The following EEF2 variants were observed in gnomAD, a reference collection of about 807,000 sequenced individuals.
The protein encoded by EEF2 is elongation factor 2.
Under a neutral mutation model 85.3 loss-of-function variants are expected in EEF2, and 21 were observed. The observed-to-expected ratio is 0.25, with a 90% CI of 0.17 to 0.35. The LOEUF (loss-of-function observed/expected upper bound fraction) is 0.35, where lower values mean the gene tolerates loss of function less well. Ranked by LOEUF, EEF2 falls within the 10% of genes least tolerant of loss-of-function variation. The pLI, the probability that EEF2 is intolerant of heterozygous loss-of-function variation, is 1.00. For synonymous variants in EEF2, 723 were observed against 508.8 expected, an observed-to-expected ratio of 1.42 and a Z score of -5.67; for missense variants, 825 against 1,225.3, an observed-to-expected ratio of 0.67 and a Z score of 4.88.
In EEF2 at chr19:3,978,088, T is replaced by C; in HGVS notation, c.1798A>G (p.Asn600Asp). Residue 600 changes from asparagine (N) to aspartate (D), a missense_variant, in exon 12 of 15, where the codon AAC (asparagine) becomes GAC (aspartate). By Grantham distance (23) the Asn-to-Asp change is conservative (BLOSUM62 1). Transcript: ENST00000309311. Reference sequence around the variant, plus strand: ...GGCCGCGCCTTCATGTACAGCCGGTTGTGCTTGTTGGGGGACTTGGAGAGG... The same window carrying C: ...GGCCGCGCCTTCATGTACAGCCGGTCGTGCTTGTTGGGGGACTTGGAGAGG... ...LCLSKSPNKH[N>D]RLYMKARPFP... 1 of 1,544,668 alleles carries C rather than the reference T, an allele frequency of 6.5e-7. No homozygotes were observed. The highest frequency in any genetic ancestry group is 8.8e-7 in the Non-Finnish European group (1 of 1,138,320).
chr19:3,981,900 G>C, intron 6 of EEF2, 47 bp downstream of exon 6: 1 of 1,571,384 alleles, frequency 6.4e-7, no homozygotes, highest in Non-Finnish European at 8.7e-7. Context: ...ACAGGGCCGA[G>C]GGCCAATAGT....
Position 3,977,189 on chromosome 19 carries a change from G to A in EEF2, c.2383+26C>T. 1 of 1,609,152 alleles carries A rather than the reference G, an allele frequency of 6.2e-7. No homozygotes were observed. The highest frequency in any genetic ancestry group is 8.5e-7 in the Non-Finnish European group (1 of 1,177,240). On this transcript the variant is annotated intron_variant, in intron 14 of 14. Transcript: ENST00000309311. The surrounding 1 kb of genome is among the most constrained non-coding windows in gnomAD (Gnocchi z 5.4). ...CCCCCAAACCAGCCTGCCAGGCTCTGCAGGCCACACCGGGCAGGCACTCAC... is the reference window on the plus strand; with the variant it reads ...CCCCCAAACCAGCCTGCCAGGCTCTACAGGCCACACCGGGCAGGCACTCAC...
intron 4 of EEF2, 30 bp downstream of exon 4, chr19:3,982,777 A>G (rs527869931): frequency 2.1e-5 from 34 of 1,592,678 alleles, no homozygotes; most frequent in Non-Finnish European, 2.7e-5. Context: ...CGCTGCGGCA[A>G]GCCCACCACC....
intron 10 of EEF2, among the ~76,000 whole-genome samples, 177 bp downstream of exon 10, chr19:3,979,630 AG>A (rs1414894539): frequency 3.3e-5 from 5 of 152,266 alleles, no homozygotes; most frequent in Admixed American, 2.0e-4. Context: ...AGAGCAGCCT[AG>A]GAGAGGGTGG....
At chr19:3,981,084 AC>A in intron 7 of EEF2, 105 bp from the exon 8 acceptor site, 1 of 1,472,154 alleles carries the variant, frequency 6.8e-7, no homozygotes, top group South Asian at 1.3e-5. Flanking sequence ...GTCAGGACTA[AC>A]GTTCTCCAAA....
chr19:3,982,583 G>T (rs776948875), intron 4 of EEF2, 159 bp from the exon 5 acceptor site: 2 of 1,103,028 alleles, frequency 1.8e-6, no homozygotes, highest in Non-Finnish European at 2.7e-6. Flanking sequence ...AGGGGGGCCA[G>T]CCCCTCCACC....
At chr19:3,984,641 G>A (rs1278967141) in intron 1 of EEF2, among the ~76,000 whole-genome samples, 2 of 152,188 alleles carry the variant, frequency 1.3e-5, no homozygotes, top group Middle Eastern at 3.2e-3. Flanking sequence ...AAATACTAAA[G>A]TCTCATTTGG....
In EEF2 at chr19:3,983,183, G is replaced by A. The variant is rs569177680; in HGVS notation, c.327C>T (p.Val109=). 89 of 1,614,076 alleles carry A rather than the reference G, an allele frequency of 5.5e-5. No individual in the cohort carries two copies. The highest frequency in any genetic ancestry group is 1.6e-4 in the African/African-American group (12 of 75,014). Residue 109 remains valine, a synonymous_variant, in exon 3 of 15, where the codon GTC becomes GTT. Coordinates refer to ENST00000309311, the MANE Select transcript of EEF2 (RefSeq NM_001961.4). ...CAGCAGTCACCTCCGAGGAGAAGTC[G>A]ACATGCCCGGGGGAGTCAATGAGGT... The part of the protein sequence containing the change: ...LINLIDSPGH[V]DFSSEVTAAL...
At position 3,983,025 on chromosome 19, in the gene EEF2, A is replaced by C. The variant is rs773915871; in HGVS notation, c.401-7T>G. On this transcript the variant is annotated splice_polypyrimidine_tract_variant and splice_region_variant and intron_variant, in intron 3 of 14. Transcript: ENST00000309311. ...TCCGTCTGCACGCACACGCCTGGGG[A>C]CACGGGGGACAGGGCGGCGCTGTCA... 10 of 1,612,416 alleles carry C rather than the reference A, an allele frequency of 6.2e-6. No homozygotes were observed. The African/African-American group carries it at 1.2e-4, about 19-fold the overall frequency.
chr19:3,976,708 G>A lies in EEF2; in HGVS notation c.2423C>T (p.Ala808Val), dbSNP rs2145355068. The A allele has an allele frequency of 6.2e-6, 10 of 1,603,258 alleles. No homozygotes were observed. Among genetic ancestry groups the A allele is most frequent in the Non-Finnish European group, 8.5e-6 (10 of 1,177,244 alleles). Reference protein sequence around the residue: ...ADLRSNTGGQAFPQCVFDHWQ... With the variant: ...ADLRSNTGGQVFPQCVFDHWQ... ...GTGGTCAAACACACACTGGGGGAACGCCTGGCCGCCCGTGTTGGACCTCAG... is the reference window on the plus strand; with the variant it reads ...GTGGTCAAACACACACTGGGGGAACACCTGGCCGCCCGTGTTGGACCTCAG... Residue 808 changes from alanine (A) to valine (V), a missense_variant, in exon 15 of 15, where the codon GCG (alanine) becomes GTG (valine). Ala to Val is a moderately conservative substitution (Grantham distance 64). Transcript: ENST00000309311.
Position 3,976,623 on chromosome 19 carries a change from C to G in EEF2, c.2508G>C (p.Ala836=). 1 of 1,610,492 alleles carries G rather than the reference C, an allele frequency of 6.2e-7. No homozygotes were observed. The highest frequency in any genetic ancestry group is 1.1e-5 in the South Asian group (1 of 90,390). Residue 836 remains alanine (A), a synonymous_variant, in exon 15 of 15, where the codon GCG becomes GCC. Transcript: ENST00000309311. ...TCAGGCCCTTGCGCTTGCGGGTCTC[C>G]GCCACCACCTGGCTGGGGCGGCTGC... ...DNSSRPSQVV[A]ETRKRKGLKE...
In EEF2 at chr19:3,980,660, T is replaced by C. The variant is rs747318587; in HGVS notation, c.1200A>G (p.Lys400=). 12 of 1,614,090 alleles carry C rather than the reference T, an allele frequency of 7.4e-6. 1 individual carries two copies. The South Asian group carries it at 1.3e-4, about 18-fold the overall frequency. The change falls in exon 9 of 15, where the codon AAA becomes AAG. Residue 400 remains lysine, a synonymous_variant. Transcript: ENST00000309311. ...PKGPLMMYIS[K]MVPTSDKGRF... ...GACCTTTGTCGGAGGTTGGCACCAT[T>C]TTGGAAATATACATCATAAGAGGGC...
rs140609362 is a variant in EEF2, at chr19:3,982,403, C to T, written c.634G>A (p.Val212Met). ...NIMIDPVLGT[V>M]GFGSGLHGWA... ...CCGTGGAGGCCAGACCCAAAGCCCA[C>T]GGTACCGAGGACAGGATCGATCTGG... The change falls in exon 5 of 15, where the codon GTG becomes ATG. Residue 212 changes from valine to methionine, a missense_variant. Coordinates refer to ENST00000309311, the MANE Select transcript of EEF2 (RefSeq NM_001961.4). 2 of 1,614,008 alleles carry T rather than the reference C, an allele frequency of 1.2e-6. No individual in the cohort carries two copies. Among genetic ancestry groups the T allele is most frequent in the Non-Finnish European group, 8.5e-7 (1 of 1,180,038 alleles).
Position 3,977,666 on chromosome 19 carries a change from T to A in EEF2, c.2068-56A>T. ...CCGGACACACCTCGGCTGCTTGCCC[T>A]CCACCTGCCAAGTCCTGCAGGTCTC... is the stretch of plus-strand genomic sequence containing the variant. On this transcript the variant is annotated intron_variant, in intron 12 of 14. Transcript: ENST00000309311. The surrounding 1 kb of genome is among the most constrained non-coding windows in gnomAD (Gnocchi z 5.4). 1 of 1,474,594 alleles carries A rather than the reference T, an allele frequency of 6.8e-7. No homozygotes were observed. The highest frequency in any genetic ancestry group is 8.9e-7 in the Non-Finnish European group (1 of 1,118,576). 91.3% of individuals were successfully genotyped at this position (1,474,594 alleles called of 1,614,324 possible). A position where few individuals can be genotyped will look rare whatever the true frequency, so the allele number is the denominator to read the frequency against.
In EEF2 at chr19:3,977,618, A is replaced by C; in HGVS notation, c.2068-8T>G. ...CTCCTCACACAGTGCGCCCTGGGGG[A>C]GGGGGAGAGCCACCGTCAAGGGCCG... On this transcript the variant is annotated splice_region_variant and splice_polypyrimidine_tract_variant and intron_variant, in intron 12 of 14. Coordinates refer to ENST00000309311, the MANE Select transcript of EEF2 (RefSeq NM_001961.4). The surrounding 1 kb of genome is among the most constrained non-coding windows in gnomAD (Gnocchi z 5.4). 6.6e-7 allele frequency: 1 copy of C among 1,504,800 alleles called. No individual in the cohort carries two copies. Among genetic ancestry groups the C allele is most frequent in the Non-Finnish European group, 8.8e-7 (1 of 1,130,910 alleles). The allele number at this position is 1,504,800 out of a possible 1,614,324, so 93.2% of individuals were successfully genotyped here.
intron 9 of EEF2, 40 bp from the exon 10 acceptor site, chr19:3,980,106 T>C: frequency 6.3e-7 from 1 of 1,596,228 alleles, no homozygotes; most frequent in Non-Finnish European, 8.5e-7. Flanking sequence ...GCAGGGATGG[T>C]TGTGCTGGAC....
chr19:3,977,747 G>A lies in EEF2; in HGVS notation c.2067+72C>T. On this transcript the variant is annotated intron_variant, in intron 12 of 14. Transcript: ENST00000309311. The surrounding 1 kb of genome is among the most constrained non-coding windows in gnomAD (Gnocchi z 5.4). ...TGGCCCCATTAGGGTCTCTGTCTCG[G>A]GAGGCAGGACCATGAGGTCCCTCTA... 8.7e-6 allele frequency: 13 copies of A among 1,497,140 alleles called. No individual in the cohort carries two copies. Among genetic ancestry groups the A allele is most frequent in the Non-Finnish European group, 1.1e-5 (12 of 1,124,770 alleles). The allele number at this position is 1,497,140 out of a possible 1,614,324, so 92.7% of individuals were successfully genotyped here. A position where few individuals can be genotyped will look rare whatever the true frequency, so the allele number is the denominator to read the frequency against.
chr19:3,982,045 C>G lies in EEF2; in HGVS notation c.799G>C (p.Asp267His). 6.2e-7 allele frequency: 1 copy of G among 1,614,076 alleles called. No individual in the cohort carries two copies. The highest frequency in any genetic ancestry group is 8.5e-7 in the Non-Finnish European group (1 of 1,180,004). The stretch of plus-strand genomic sequence containing the variant: ...TTGCTGAACTTGCCGTTGGCTGGGT[C>G]AAAGTACCTGGCAAGGAGAGGCCAA... ...MKKLWGDRYF[D>H]PANGKFSKSA... The change falls in exon 6 of 15, where the codon GAC (aspartate) becomes CAC (histidine). Residue 267 changes from aspartate to histidine, a missense_variant. Coordinates refer to ENST00000309311, the MANE Select transcript of EEF2 (RefSeq NM_001961.4).
At chr19:3,982,540 G>T in intron 4 of EEF2, 116 bp from the exon 5 acceptor site, 2 of 1,351,660 alleles carry the variant, frequency 1.5e-6, no homozygotes. Context: ...TAGACATCTG[G>T]TCAAAGTGAA....
Sources: gnomAD v4.1 joint callset for allele counts (sites outside exome capture counted in the v4.1 genomes callset) on GRCh38, gnomAD v4.1.1 for gene constraint, Gnocchi (gnomAD v3.1) non-coding constraint, MANE v1.5 for transcripts, NCBI Gene and HGNC (gene_info 2026-07-23, HGNC 2026-07-21) for gene names.